The following TAS2R1 variants were observed in gnomAD, a reference collection of about 807,000 sequenced individuals.
The protein encoded by TAS2R1 is taste receptor type 2 member 1.
For missense variants in TAS2R1, 370 were observed against 353.4 expected (o/e 1.05, Z -0.38); for synonymous variants, 141 against 134.2 (o/e 1.05, Z -0.35).
intron 1 of TAS2R1, among the ~76,000 whole-genome samples, chr5:9,710,297 C>T (rs1170340321): frequency 1.3e-5 from 2 of 152,230 alleles, no homozygotes; most frequent in African/African-American, 4.8e-5. Context: ...CCTCCACTCA[C>T]CCAAGGCCTG....
chr5:9,898,182 C>G, the TAS2R1 span, among the ~76,000 whole-genome samples: 1 of 152,164 alleles, frequency 6.6e-6, no homozygotes, highest in Non-Finnish European at 1.5e-5. Context: ...TCCAAAATAA[C>G]CATCTTTGAA....
At chr5:9,762,983 A>T in the TAS2R1 span, among the ~76,000 whole-genome samples, 1 of 152,232 alleles carries the variant, frequency 6.6e-6, no homozygotes. Context: ...GATAACATAT[A>T]TAAGACTCCA....
chr5:9,891,666 C>T, the TAS2R1 span, among the ~76,000 whole-genome samples: 1 of 152,188 alleles, frequency 6.6e-6, no homozygotes, highest in African/African-American at 2.4e-5. Context: ...GCCCCCAGCC[C>T]ACAGTGTTTC....
chr5:9,710,717 A>T (rs1741714675), intron 1 of TAS2R1, among the ~76,000 whole-genome samples: 1 of 151,858 alleles, frequency 6.6e-6, no homozygotes, highest in Non-Finnish European at 1.5e-5. Context: ...CTGATTAAAA[A>T]ATTTGCAATG....
the TAS2R1 span, among the ~76,000 whole-genome samples, chr5:9,747,619 T>A: frequency 6.6e-6 from 1 of 152,104 alleles, no homozygotes; most frequent in African/African-American, 2.4e-5. Context: ...GGGATACGCC[T>A]CCATGACCCA....
At chr5:9,835,991 A>T in the TAS2R1 span, among the ~76,000 whole-genome samples, 1 of 152,138 alleles carries the variant, frequency 6.6e-6, no homozygotes, top group African/African-American at 2.4e-5. Flanking sequence ...CCCAAATCTT[A>T]TCTTGAATTC....
At chr5:9,712,879 C>A (rs944747046), upstream of TAS2R1, among the ~76,000 whole-genome samples, 1 of 150,238 alleles carries the variant, frequency 6.7e-6, no homozygotes, top group African/African-American at 2.4e-5. Flanking sequence ...AAAGACAGAT[C>A]TTTCTGTATC....
At chr5:9,725,147 C>T in the TAS2R1 span, among the ~76,000 whole-genome samples, 1 of 152,158 alleles carries the variant, frequency 6.6e-6, no homozygotes, top group African/African-American at 2.4e-5. Context: ...AGCGTGCTGG[C>T]AGTGGTGACA....
chr5:9,698,308 T>C (rs1283719668), intron 1 of TAS2R1, among the ~76,000 whole-genome samples: 2 of 152,174 alleles, frequency 1.3e-5, no homozygotes, highest in African/African-American at 4.8e-5. Flanking sequence ...ACCAAAAGAA[T>C]GAGATTGTAC....
At chr5:9,707,512 G>A (rs111899989) in intron 1 of TAS2R1, among the ~76,000 whole-genome samples, 8 of 152,138 alleles carry the variant, frequency 5.3e-5, no homozygotes, top group African/African-American at 9.7e-5. Flanking sequence ...GGGAAACCCC[G>A]TCTCTAGTGA....
the TAS2R1 span, among the ~76,000 whole-genome samples, chr5:9,806,144 A>G: frequency 6.6e-6 from 1 of 152,092 alleles, no homozygotes; most frequent in Non-Finnish European, 1.5e-5. Context: ...AATCCCTTTT[A>G]CAATAGCTGC....
chr5:9,734,505 AG>A, the TAS2R1 span, among the ~76,000 whole-genome samples: 1 of 139,116 alleles, frequency 7.2e-6, no homozygotes, highest in Non-Finnish European at 1.6e-5. Context: ...ACTGTACAAG[AG>A]GTTTTTTTGC....
chr5:9,714,367 G>A (rs1368418288), upstream of TAS2R1: 1 of 152,238 alleles, frequency 6.6e-6, no homozygotes, highest in Non-Finnish European at 1.5e-5. Flanking sequence ...GGAGAACCAA[G>A]TCTGTTTTAG....
chr5:9,640,013 A>G (rs1740040766), intron 2 of TAS2R1, among the ~76,000 whole-genome samples: 1 of 152,070 alleles, frequency 6.6e-6, no homozygotes, highest in Admixed American at 6.5e-5. Context: ...TGCATTCACA[A>G]CCTAAGCATT....
chr5:9,682,853 T>C (rs1026949192), intron 1 of TAS2R1, among the ~76,000 whole-genome samples: 4 of 152,192 alleles, frequency 2.6e-5, no homozygotes, highest in Non-Finnish European at 5.9e-5. Context: ...CACAGTGTTT[T>C]ATTTACCGCT....
At chr5:9,793,157 G>A in the TAS2R1 span, among the ~76,000 whole-genome samples, 1 of 152,156 alleles carries the variant, frequency 6.6e-6, no homozygotes, top group African/African-American at 2.4e-5. Context: ...CTGGAAAAAA[G>A]AGCTACTCAA....
intron 2 of TAS2R1, among the ~76,000 whole-genome samples, chr5:9,643,868 C>G (rs772905405): frequency 6.6e-6 from 1 of 152,090 alleles, no homozygotes; most frequent in Non-Finnish European, 1.5e-5. Context: ...AAAGTGTGGT[C>G]AGGAAAGCCT....
the TAS2R1 span, among the ~76,000 whole-genome samples, chr5:9,731,982 A>G: frequency 6.6e-6 from 1 of 152,268 alleles, no homozygotes; most frequent in Non-Finnish European, 1.5e-5. Flanking sequence ...CCTTGCCTTC[A>G]TGGTGTTTTT....
At chr5:9,828,635 T>C in the TAS2R1 span, among the ~76,000 whole-genome samples, 4 of 152,270 alleles carry the variant, frequency 2.6e-5, no homozygotes, top group African/African-American at 9.6e-5. Flanking sequence ...TGCATTTGCA[T>C]AATTCATATC....
Sources: allele counts gnomAD v4.1 joint callset (sites outside exome capture counted in the v4.1 genomes callset), GRCh38; gene constraint gnomAD v4.1.1; transcripts MANE v1.5; gene names NCBI Gene and HGNC (gene_info 2026-07-23, HGNC 2026-07-21).